LARGE1: variants seen among roughly 807,000 people sequenced by gnomAD.
LARGE1 encodes xylosyl- and glucuronyltransferase LARGE1.
LARGE1 carries 43 observed loss-of-function variants against 87.6 expected under a neutral mutation model. The observed-to-expected ratio is 0.49, with a 90% CI of 0.38 to 0.63. LARGE1 has a LOEUF of 0.63. Among genes scored for constraint, LARGE1 ranks in the 30% least tolerant of loss-of-function variants. The pLI, the probability that LARGE1 is intolerant of heterozygous loss-of-function variation, is 0.00. For synonymous variants in LARGE1, 434 were observed against 394.6 expected (o/e 1.10, Z -1.18); for missense variants, 802 against 1,000.2 (o/e 0.80, Z 2.67).
the LARGE1 span, among the ~76,000 whole-genome samples, chr22:33,075,778 A>G: frequency 1.3e-5 from 2 of 152,202 alleles, no homozygotes; most frequent in African/African-American, 4.8e-5. Flanking sequence ...CTTCCTCTTC[A>G]AAGATGCTTC....
In LARGE1 at chr22:33,535,801, G is replaced by A. The variant is rs116918553; in HGVS notation, c.787+29047C>T. Among the ~76,000 whole-genome samples, 97 of 152,176 alleles carry A rather than the reference G, an allele frequency of 6.4e-4. No individual in the cohort carries two copies. The East Asian group carries it at 0.016, about 25-fold the overall frequency. On this transcript the variant is annotated intron_variant, in intron 6 of 14. Coordinates refer to ENST00000397394, the MANE Select transcript of LARGE1 (RefSeq NM_133642.5). ...TGCCTTGTTGCCCGGTGGGATCGCT[G>A]ATCTGTGATGTCGGTTCCCCCGTCC...
Position 33,303,560 on chromosome 22 carries a change from T to C in LARGE1, c.1730+669A>G, listed in dbSNP as rs1397871164. ...GTTTAAAAGACTGGGCAATAATCTT[T>C]CTTGGGTTATATGAAGGTTGTCTGG... On this transcript the variant is annotated intron_variant, in intron 12 of 14. Coordinates refer to ENST00000397394, the MANE Select transcript of LARGE1 (RefSeq NM_133642.5). Among the ~76,000 whole-genome samples, 5 of 152,322 alleles carry C rather than the reference T, an allele frequency of 3.3e-5. No individual in the cohort carries two copies. The East Asian group carries it at 9.6e-4, about 29-fold the overall frequency.
At chr22:33,795,554 T>C (rs1333481725) in intron 1 of LARGE1, among the ~76,000 whole-genome samples, 5 of 151,824 alleles carry the variant, frequency 3.3e-5, no homozygotes, top group Non-Finnish European at 7.3e-5. Flanking sequence ...TAAAGACACA[T>C]GCGCACGTAT....
At chr22:33,783,730 C>T (rs544578083) in intron 1 of LARGE1, among the ~76,000 whole-genome samples, 23 of 152,286 alleles carry the variant, frequency 1.5e-4, no homozygotes, top group African/African-American at 5.5e-4. Flanking sequence ...TTGCTTGCAA[C>T]CCAGCCAAGG....
At chr22:33,134,547 G>C in the LARGE1 span, among the ~76,000 whole-genome samples, 1 of 152,180 alleles carries the variant, frequency 6.6e-6, no homozygotes, top group Non-Finnish European at 1.5e-5. Context: ...GTGAGCCACA[G>C]CGCCCGGCCA....
intron 5 of LARGE1, among the ~76,000 whole-genome samples, chr22:33,597,913 A>G (rs938031325): frequency 3.9e-5 from 6 of 152,150 alleles, no homozygotes; most frequent in African/African-American, 9.7e-5. Flanking sequence ...TTAGTTTAGA[A>G]CAGGATCCTT....
intron 4 of LARGE1, among the ~76,000 whole-genome samples, chr22:33,616,649 AC>A (rs1438222167): frequency 2.0e-5 from 3 of 152,194 alleles, no homozygotes; most frequent in Non-Finnish European, 2.9e-5. Flanking sequence ...TAAATGAAGA[AC>A]TGATACATGC....
the LARGE1 span, among the ~76,000 whole-genome samples, chr22:33,122,359 CTTTTTTT>C: frequency 7.6e-6 from 1 of 132,340 alleles, no homozygotes; most frequent in African/African-American, 2.9e-5. Context: ...TTTTCTTTTT[CTTTTTTT>C]TTTTTTTTTG....
chr22:33,136,941 A>AAT, the LARGE1 span, among the ~76,000 whole-genome samples: 71 of 152,264 alleles, frequency 4.7e-4, 1 homozygote, highest in Admixed American at 1.8e-3. Flanking sequence ...AGGTAAAAAA[A>AAT]AAAATAAACT....
intron 6 of LARGE1, among the ~76,000 whole-genome samples, chr22:33,544,266 C>CT (rs1325177010): frequency 6.6e-6 from 1 of 152,204 alleles, no homozygotes; most frequent in Non-Finnish European, 1.5e-5. Flanking sequence ...ATGACATACA[C>CT]TGAGTCTTGT....
intron 1 of LARGE1, among the ~76,000 whole-genome samples, chr22:33,864,564 C>T (rs984785506): frequency 4.6e-5 from 7 of 152,076 alleles, no homozygotes; most frequent in African/African-American, 1.7e-4. Flanking sequence ...ACTGTAAGCT[C>T]CTTGAGGGTA....
At chr22:33,754,831 A>T (rs1321176624) in intron 2 of LARGE1, among the ~76,000 whole-genome samples, 1 of 152,188 alleles carries the variant, frequency 6.6e-6, no homozygotes, top group Non-Finnish European at 1.5e-5. Context: ...GGGGATACTG[A>T]AAGCTCCAGC....
At chr22:33,405,189 A>C (rs1479211425) in intron 7 of LARGE1, among the ~76,000 whole-genome samples, 1 of 152,216 alleles carries the variant, frequency 6.6e-6, no homozygotes, top group Non-Finnish European at 1.5e-5. Context: ...AAGCTCATGG[A>C]TATTCTCAGC....
intron 1 of LARGE1, among the ~76,000 whole-genome samples, chr22:33,845,620 T>G (rs1311951925): frequency 6.6e-6 from 1 of 152,208 alleles, no homozygotes; most frequent in African/African-American, 2.4e-5. Context: ...TAATGGACCT[T>G]ATAATGCATA....
chr22:33,577,605 G>A (rs2078392365), intron 5 of LARGE1, among the ~76,000 whole-genome samples: 1 of 152,210 alleles, frequency 6.6e-6, no homozygotes, highest in South Asian at 2.1e-4. Context: ...CACATAGGCT[G>A]CAATTAAAGA....
At chr22:33,268,683 T>C (rs1269199511), downstream of LARGE1, among the ~76,000 whole-genome samples, 1 of 152,172 alleles carries the variant, frequency 6.6e-6, no homozygotes, top group African/African-American at 2.4e-5. Context: ...TGCCTCGGCC[T>C]CCCAAAGTGC....
chr22:33,081,548 G>A, the LARGE1 span, among the ~76,000 whole-genome samples: 1 of 152,324 alleles, frequency 6.6e-6, no homozygotes, highest in Middle Eastern at 3.4e-3. Flanking sequence ...GGGGGAAGCA[G>A]AGGCCAAGTC....
chr22:33,897,118 G>A (rs1383923978), intron 1 of LARGE1, among the ~76,000 whole-genome samples: 2 of 152,138 alleles, frequency 1.3e-5, no homozygotes, highest in African/African-American at 4.8e-5. Context: ...TCCCTGGAGA[G>A]CTTCTACCTC....
intron 1 of LARGE1, among the ~76,000 whole-genome samples, chr22:33,798,190 T>C: frequency 6.6e-6 from 1 of 152,100 alleles, no homozygotes; most frequent in East Asian, 1.9e-4. Flanking sequence ...ACTCAGAGGC[T>C]GAGGCAGGAG....
Sources: gnomAD v4.1 joint callset for allele counts (sites outside exome capture counted in the v4.1 genomes callset) on GRCh38, gnomAD v4.1.1 for gene constraint, MANE v1.5 for transcripts, NCBI Gene and HGNC (gene_info 2026-07-23, HGNC 2026-07-21) for gene names.